The following ZFAND6 variants were observed in gnomAD, a reference collection of about 807,000 sequenced individuals.
The protein encoded by ZFAND6 is zinc finger AN1-type containing 6.
ZFAND6 carries 12 observed loss-of-function variants against 24.5 expected under a neutral mutation model. The observed-to-expected ratio is 0.49, with a 90% CI of 0.31 to 0.79. The LOEUF is 0.79. Ranked by LOEUF, ZFAND6 falls within the 30% of genes least tolerant of loss-of-function variation. The pLI is 0.04. For synonymous variants in ZFAND6, 92 were observed against 81.5 expected (o/e 1.13, Z -0.69); for missense variants, 207 against 245.9 (o/e 0.84, Z 1.06).
intron 1 of ZFAND6, among the ~76,000 whole-genome samples, chr15:80,092,755 A>G (rs1002291604): frequency 6.6e-5 from 10 of 152,148 alleles, no homozygotes; most frequent in Non-Finnish European, 1.5e-4. Context: ...ATTTTTAAAA[A>G]TTGTTTAAAT....
At chr15:80,081,813 T>C (rs1372724940) in intron 1 of ZFAND6, among the ~76,000 whole-genome samples, 1 of 152,218 alleles carries the variant, frequency 6.6e-6, no homozygotes. Flanking sequence ...CCAGACTTAA[T>C]TTAGTTTAAT....
intron 1 of ZFAND6, among the ~76,000 whole-genome samples, chr15:80,080,183 T>G (rs6495473): frequency 0.75 from 113,434 of 151,572 alleles, 42,628 homozygotes; most frequent in Admixed American, 0.83. Context: ...TTTTAGTAGC[T>G]ACGGGGTTTC....
intron 2 of ZFAND6, among the ~76,000 whole-genome samples, chr15:80,101,791 G>GTTTTTTTT (rs750632508): frequency 1.6e-5 from 2 of 123,108 alleles, no homozygotes; most frequent in East Asian, 2.4e-4. Context: ...TATGTAAAGT[G>GTTTTTTTT]TTTTTTTTTT....
chr15:80,107,116 G>T (rs1361741690), intron 2 of ZFAND6, among the ~76,000 whole-genome samples: 3 of 152,196 alleles, frequency 2.0e-5, no homozygotes, highest in African/African-American at 7.2e-5. Context: ...TCGGGAGGCT[G>T]AGGTAGGAGA....
At chr15:80,071,095 G>T (rs1053596228) in intron 1 of ZFAND6, among the ~76,000 whole-genome samples, 1 of 152,110 alleles carries the variant, frequency 6.6e-6, no homozygotes, top group African/African-American at 2.4e-5. Context: ...AGCTGTTTGG[G>T]CTTCAGCAGG....
intron 2 of ZFAND6, among the ~76,000 whole-genome samples, chr15:80,111,024 A>G (rs1414776570): frequency 6.6e-6 from 1 of 152,214 alleles, no homozygotes; most frequent in Non-Finnish European, 1.5e-5. Flanking sequence ...GAAAGAAAAC[A>G]TAGTAGGCAG....
rs745528801 is a variant in ZFAND6 at position 80,120,461 on chromosome 15, A to G, written c.117A>G (p.Gln39=). Residue 39 remains glutamine (Q), a synonymous_variant, in exon 3 of 7, where the codon CAA becomes CAG. Coordinates refer to ENST00000261749, the MANE Select transcript of ZFAND6 (RefSeq NM_019006.4). ...CAGTATGCTATAAAGAACATCTTCA[A>G]AGACAGAATAGTAGTAATGGTAGAA... is the stretch of plus-strand genomic sequence containing the variant. ...MCSVCYKEHL[Q]RQNSSNGRIS... is the part of the protein sequence containing the mutation. 5 of 1,592,086 alleles carry G rather than the reference A, an allele frequency of 3.1e-6. No individual in the cohort carries two copies. The highest frequency in any genetic ancestry group is 1.1e-5 in the South Asian group (1 of 88,060).
intron 1 of ZFAND6, among the ~76,000 whole-genome samples, chr15:80,073,028 A>T (rs2037064554): frequency 6.6e-6 from 1 of 151,968 alleles, no homozygotes; most frequent in African/African-American, 2.4e-5. Flanking sequence ...TAAGTTGCTG[A>T]AAGATAAATG....
chr15:80,061,339 CTA>C (rs1201520530), intron 1 of ZFAND6, among the ~76,000 whole-genome samples: 12 of 151,996 alleles, frequency 7.9e-5, no homozygotes, highest in African/African-American at 2.9e-4. Flanking sequence ...TTATTGTCAA[CTA>C]TATGTCAGTA....
chr15:80,089,899 A>G (rs993016472), intron 1 of ZFAND6, among the ~76,000 whole-genome samples: 1 of 152,158 alleles, frequency 6.6e-6, no homozygotes, highest in African/African-American at 2.4e-5. Context: ...TGAGTGCACT[A>G]TGTAGAATCA....
intron 1 of ZFAND6, among the ~76,000 whole-genome samples, chr15:80,067,085 C>A (rs566737585): frequency 9.5e-4 from 144 of 152,180 alleles, no homozygotes; most frequent in African/African-American, 3.3e-3. Flanking sequence ...ATGCAAAGTG[C>A]TTGACTTGAC....
At chr15:80,085,469 T>C (rs1444793337) in intron 1 of ZFAND6, among the ~76,000 whole-genome samples, 1 of 152,226 alleles carries the variant, frequency 6.6e-6, no homozygotes, top group Non-Finnish European at 1.5e-5. Context: ...CGTAATCAAC[T>C]CCCAAAATCA....
chr15:80,126,617 TCATAC>T (rs1382670316), intron 5 of ZFAND6, among the ~76,000 whole-genome samples: 1 of 152,206 alleles, frequency 6.6e-6, no homozygotes, highest in African/African-American at 2.4e-5. Flanking sequence ...GACTCCTATG[TCATAC>T]CATATGCAAA....
chr15:80,065,005 T>G (rs1313459647), intron 1 of ZFAND6, among the ~76,000 whole-genome samples: 1 of 97,182 alleles, frequency 1.0e-5, no homozygotes, highest in Non-Finnish European at 2.5e-5. Context: ...TCTCCCCCTT[T>G]TTTTTTTTTT....
chr15:80,107,240 A>G (rs1201597762), intron 2 of ZFAND6, among the ~76,000 whole-genome samples: 2 of 152,152 alleles, frequency 1.3e-5, no homozygotes, highest in Non-Finnish European at 2.9e-5. Flanking sequence ...TTTAGTAAAA[A>G]TAATTTGTTT....
In ZFAND6 at chr15:80,065,537, A is replaced by ATT. The variant is rs149756891; in HGVS notation, c.-181+5752_-181+5753dup. On this transcript the variant is annotated intron_variant, in intron 1 of 6. Transcript: ENST00000261749. ...GGGCTTCAAATTAGTTTTGGTTTTG[A>ATT]TTTTTTTTTTTTTTTTTTTTTTTTT... Among the ~76,000 whole-genome samples the ATT allele has an allele frequency of 4.1e-3, 310 of 76,460 alleles. 3 individuals carry two copies. Among genetic ancestry groups the ATT allele is most frequent in the African/African-American group, 0.013 (239 of 18,932 alleles). The allele number at this position is 76,460 out of a possible 152,430, so 50.2% of individuals were successfully genotyped here.
chr15:80,076,351 A>G (rs1284390611), intron 1 of ZFAND6, among the ~76,000 whole-genome samples: 3 of 151,782 alleles, frequency 2.0e-5, no homozygotes, highest in Non-Finnish European at 4.4e-5. Context: ...TAGCCTATAA[A>G]TTTTAAATTC....
chr15:80,085,584 CAAAA>C (rs1013916353), intron 1 of ZFAND6, among the ~76,000 whole-genome samples: 3 of 151,814 alleles, frequency 2.0e-5, no homozygotes, highest in African/African-American at 4.8e-5. Context: ...TAGGCAAAAA[CAAAA>C]AACACTCATC....
intron 6 of ZFAND6, among the ~76,000 whole-genome samples, chr15:80,132,376 T>A (rs2040645797): frequency 6.6e-6 from 1 of 152,180 alleles, no homozygotes; most frequent in African/African-American, 2.4e-5. Context: ...TTATAAAAAA[T>A]TAAAATTTTA....
Sources: allele counts gnomAD v4.1 joint callset (sites outside exome capture counted in the v4.1 genomes callset), GRCh38; gene constraint gnomAD v4.1.1; transcripts MANE v1.5; gene names NCBI Gene and HGNC (gene_info 2026-07-23, HGNC 2026-07-21).